The following TTLL8 variants were observed in gnomAD, a reference collection of about 807,000 sequenced individuals.
The protein encoded by TTLL8 is protein monoglycylase TTLL8.
In TTLL8, 65 loss-of-function variants were observed where a neutral mutation model predicts 77.8. That is an observed-to-expected ratio of 0.84 (90% CI 0.68 to 1.03). The LOEUF is 1.03. TTLL8 is among the 50% of genes least tolerant of loss of function. TTLL8 has a pLI of 0.00. For synonymous variants in TTLL8, 402 were observed against 422.8 expected, an observed-to-expected ratio of 0.95 and a Z score of 0.60; for missense variants, 910 against 1,004.5, an observed-to-expected ratio of 0.91 and a Z score of 1.27.
chr22:50,046,554 T>C (rs767613930), intron 4 of TTLL8, among the ~76,000 whole-genome samples: 6 of 152,240 alleles, frequency 3.9e-5, no homozygotes, highest in African/African-American at 1.4e-4. Flanking sequence ...ATGTTGCCAC[T>C]AGCAGCGCTG....
chr22:50,048,348 TTTAGGA>T (rs1250660463), intron 3 of TTLL8, among the ~76,000 whole-genome samples: 10 of 152,062 alleles, frequency 6.6e-5, no homozygotes, highest in African/African-American at 2.4e-4. Flanking sequence ...CATAGGAGGC[TTTAGGA>T]TTAGGTCATG....
upstream of TTLL8, chr22:50,054,635 T>TGG: frequency 4.6e-6 from 1 of 217,658 alleles, no homozygotes; most frequent in Non-Finnish European, 1.1e-5. Context: ...ATGCTTCCTG[T>TGG]GGGGATAAGC....
chr22:50,048,549 C>T (rs2061426311), intron 3 of TTLL8, among the ~76,000 whole-genome samples: 2 of 152,124 alleles, frequency 1.3e-5, no homozygotes, highest in African/African-American at 4.8e-5. Flanking sequence ...CTGATGTGTC[C>T]ACACCACTGC....
In TTLL8 at chr22:50,034,601, G is replaced by A; in HGVS notation, c.922-139C>T. 1 of 902,130 alleles carries A rather than the reference G, an allele frequency of 1.1e-6. No individual in the cohort carries two copies. The highest frequency in any genetic ancestry group is 1.5e-6 in the Non-Finnish European group (1 of 668,418). 55.9% of individuals were successfully genotyped at this position (902,130 alleles called of 1,614,324 possible). A position where few individuals can be genotyped will look rare whatever the true frequency, so the allele number is the denominator to read the frequency against. On this transcript the variant is annotated intron_variant, in intron 8 of 13. Transcript: ENST00000266182. This position sits in a 1 kb window ranked among gnomAD's most constrained non-coding sequence, Gnocchi z 4.1. ...CTCGGCTCTAGGATGGTCTGGGGCT[G>A]GCCTGGCGGGAAAGGGCTGCGGGTC...
intron 3 of TTLL8, among the ~76,000 whole-genome samples, chr22:50,048,953 C>T (rs1390414884): frequency 6.6e-6 from 1 of 152,232 alleles, no homozygotes; most frequent in Non-Finnish European, 1.5e-5. Context: ...CCTGCCGGGC[C>T]TCAGTGCCCT....
intron 1 of TTLL8, among the ~76,000 whole-genome samples, chr22:50,051,333 A>G (rs1273687397): frequency 6.6e-6 from 1 of 152,224 alleles, no homozygotes; most frequent in East Asian, 1.9e-4. Flanking sequence ...AATGGCCTTC[A>G]GCTCCATCCA....
exon 11 of TTLL8, chr22:50,032,033 G>A (rs1443763914): frequency 2.2e-6 from 3 of 1,366,432 alleles, no homozygotes; most frequent in Non-Finnish European, 2.0e-6. Context: ...CACATGTTGT[G>A]TGCGGGCAGC....
chr22:50,021,545 T>TGAC (rs2061200165), intron 12 of TTLL8, among the ~76,000 whole-genome samples: 1 of 135,332 alleles, frequency 7.4e-6, no homozygotes, highest in African/African-American at 2.8e-5. Flanking sequence ...CTCCATCTGA[T>TGAC]GTGCACTCCT....
Position 50,033,146 on chromosome 22 carries a change from T to A in TTLL8, c.1283+56A>T, listed in dbSNP as rs897893575. 8.5e-6 allele frequency: 11 copies of A among 1,288,866 alleles called. No individual in the cohort carries two copies. The African/African-American group carries it at 1.7e-4, about 20-fold the overall frequency. The allele number at this position is 1,288,866 out of a possible 1,614,324, so 79.8% of individuals were successfully genotyped here. On this transcript the variant is annotated intron_variant, in intron 10 of 13. Coordinates refer to ENST00000266182, the Ensembl canonical transcript of TTLL8. ...CTTCTCACTGCGGCTGCTCCAGGCA[T>A]GCAGGCAGCAGCCCATTCCCTGGCC...
intron 1 of TTLL8, among the ~76,000 whole-genome samples, chr22:50,053,441 A>AC (rs1413872012): frequency 2.4e-4 from 36 of 152,354 alleles, no homozygotes; most frequent in Admixed American, 2.3e-3. Flanking sequence ...GAACTGTAAA[A>AC]TACTTTGAAC....
upstream of TTLL8, among the ~76,000 whole-genome samples, chr22:50,057,353 GTGAGTCAGGTCT>G (rs2061478514): frequency 2.5e-5 from 3 of 121,398 alleles, no homozygotes; most frequent in Admixed American, 8.2e-5. Flanking sequence ...GGTCTGGGTT[GTGAGTCAGGTCT>G]GGGTTGGGGG....
chr22:50,041,166 G>C lies in TTLL8; in HGVS notation c.921+21C>G, dbSNP rs767076303. 3 of 418,482 alleles carry C rather than the reference G, an allele frequency of 7.2e-6. No homozygotes were observed. The highest frequency in any genetic ancestry group is 3.9e-5 in the South Asian group (2 of 51,402). 25.9% of individuals were successfully genotyped at this position (418,482 alleles called of 1,614,324 possible). On this transcript the variant is annotated intron_variant, in intron 8 of 13. Coordinates refer to ENST00000266182, the Ensembl canonical transcript of TTLL8. The surrounding 1 kb of genome is among the most constrained non-coding windows in gnomAD (Gnocchi z 4.3). ...CCAAGAGTGAGGCAGGTGCCCCAGT[G>C]GAGAGACAGACAAACCCCACCTGCC... is the stretch of plus-strand genomic sequence containing the variant.
upstream of TTLL8, among the ~76,000 whole-genome samples, chr22:50,057,184 G>A (rs1277143168): frequency 2.0e-5 from 3 of 148,640 alleles, no homozygotes; most frequent in Admixed American, 6.6e-5. Context: ...TCAGGTCTGG[G>A]GTTGGGGGTC....
At chr22:50,019,648 A>T (rs1008232379) in intron 12 of TTLL8, among the ~76,000 whole-genome samples, 9 of 152,184 alleles carry the variant, frequency 5.9e-5, no homozygotes, top group Non-Finnish European at 1.5e-5. Context: ...GCTCCAGGCA[A>T]ACCTTCAGAT....
At position 50,034,294 on chromosome 22, in the gene TTLL8, A is replaced by G; in HGVS notation, c.1039+51T>C. 7.5e-7 allele frequency: 1 copy of G among 1,330,450 alleles called. No individual in the cohort carries two copies. Among genetic ancestry groups the G allele is most frequent in the Non-Finnish European group, 1.0e-6 (1 of 1,002,518 alleles). The allele number at this position is 1,330,450 out of a possible 1,614,324, so 82.4% of individuals were successfully genotyped here. On this transcript the variant is annotated intron_variant, in intron 9 of 13. Coordinates refer to ENST00000266182, the Ensembl canonical transcript of TTLL8. The surrounding 1 kb of genome is among the most constrained non-coding windows in gnomAD (Gnocchi z 4.1). ...CTGTCCCTCACTCACGGCTCCTGGC[A>G]TCAAGTGTGGCCGTTGGTGGCTATG...
intron 8 of TTLL8, among the ~76,000 whole-genome samples, chr22:50,035,562 C>G (rs1257148117): frequency 6.6e-6 from 1 of 152,184 alleles, no homozygotes; most frequent in African/African-American, 2.4e-5. Flanking sequence ...TGGTGAGCGC[C>G]GAGCACTCCT....
Position 50,045,242 on chromosome 22 carries a change from C to T in TTLL8, c.643+13G>A, listed in dbSNP as rs145787783. ...CTGGTGGCCTGGCACTGCCCTGCCC[C>T]GGCCCAGCGCACCTTGCCTGCTGCT... On this transcript the variant is annotated intron_variant, in intron 6 of 13. Transcript: ENST00000266182. 8.9e-6 allele frequency: 12 copies of T among 1,349,908 alleles called. No homozygotes were observed. In the East Asian group the frequency reaches 2.8e-4, roughly 31 times the overall value. The allele number at this position is 1,349,908 out of a possible 1,614,324, so 83.6% of individuals were successfully genotyped here.
Position 50,034,332 on chromosome 22 carries a change from G to A in TTLL8, c.1039+13C>T. 1 of 1,362,610 alleles carries A rather than the reference G, an allele frequency of 7.3e-7. No individual in the cohort carries two copies. The highest frequency in any genetic ancestry group is 1.1e-5 in the South Asian group (1 of 87,814). 84.4% of individuals were successfully genotyped at this position (1,362,610 alleles called of 1,614,324 possible). A position where few individuals can be genotyped will look rare whatever the true frequency, so the allele number is the denominator to read the frequency against. On this transcript the variant is annotated intron_variant, in intron 9 of 13. Coordinates refer to ENST00000266182, the Ensembl canonical transcript of TTLL8. The surrounding 1 kb of genome is among the most constrained non-coding windows in gnomAD (Gnocchi z 4.1). ...GTTGGTGGCTATGAACGCGGTGCAG[G>A]GAGCATCCGCACCAGGGGACTCACC...
intron 11 of TTLL8, 40 bp downstream of exon 12, chr22:50,031,646 C>T (rs569698236): frequency 2.9e-5 from 36 of 1,224,798 alleles, no homozygotes; most frequent in African/African-American, 1.9e-4. Flanking sequence ...ATCCACATGG[C>T]GGGCGGCCAC....
Sources: allele counts gnomAD v4.1 joint callset (sites outside exome capture counted in the v4.1 genomes callset), GRCh38; gene constraint gnomAD v4.1.1; non-coding constraint Gnocchi (gnomAD v3.1); transcripts MANE v1.5; gene names NCBI Gene and HGNC (gene_info 2026-07-23, HGNC 2026-07-21).